The following EML1 variants were observed in gnomAD, a reference collection of about 807,000 sequenced individuals.
EML1 encodes echinoderm microtubule-associated protein-like 1.
A neutral mutation model predicts 110.4 loss-of-function variants in EML1; 27 were observed. The observed-to-expected ratio is 0.24, with a 90% CI of 0.18 to 0.34. EML1 has a LOEUF of 0.34. Among genes scored for constraint, EML1 ranks in the 10% least tolerant of loss-of-function variants. The pLI is 1.00. For missense variants in EML1, 741 were observed against 1,030.9 expected (o/e 0.72, Z 3.85); for synonymous variants, 344 against 385.8 (o/e 0.89, Z 1.27).
chr14:99,745,063 C>CT (rs1386000028), intron 1 of EML1, among the ~76,000 whole-genome samples: 1 of 152,094 alleles, frequency 6.6e-6, no homozygotes, highest in Non-Finnish European at 1.5e-5. Context: ...GTAGCTGGTT[C>CT]TCCCAGTTGA....
intron 1 of EML1, among the ~76,000 whole-genome samples, chr14:99,788,220 G>A (rs961422595): frequency 1.3e-5 from 2 of 151,990 alleles, no homozygotes; most frequent in Non-Finnish European, 2.9e-5. Context: ...GTTCCTTGGC[G>A]CTTATCATTT....
chr14:99,934,321 T>C (rs2060428677), intron 17 of EML1, among the ~76,000 whole-genome samples: 1 of 152,234 alleles, frequency 6.6e-6, no homozygotes, highest in Non-Finnish European at 1.5e-5. Context: ...AGTCCTTTTG[T>C]TTTTCTCAGC....
At chr14:99,896,740 A>ATT (rs59854121) in intron 6 of EML1, among the ~76,000 whole-genome samples, 17,032 of 147,464 alleles carry the variant, frequency 0.12, 3,296 homozygotes, top group African/African-American at 0.4. Flanking sequence ...GAGGGGCCTG[A>ATT]TTTTTTTTTT....
rs373489064 is a variant in EML1 at position 99,843,157 on chromosome 14, GAT to G, written c.68-7694_68-7693del. On this transcript the variant is annotated intron_variant, in intron 1 of 21. Coordinates refer to ENST00000262233, the MANE Select transcript of EML1 (RefSeq NM_004434.3). ...TACTTCCAACTACTCGGGAGGCTGA[GAT>G]AGGAGGATTGTTTGAGCCCAGGTCA... Among the ~76,000 whole-genome samples the G allele has an allele frequency of 2.4e-4, 37 of 152,282 alleles. No individual in the cohort carries two copies. The East Asian group carries it at 5.4e-3, about 22-fold the overall frequency.
intron 4 of EML1, among the ~76,000 whole-genome samples, chr14:99,884,400 G>A (rs2059439732): frequency 6.6e-6 from 1 of 152,214 alleles, no homozygotes; most frequent in Non-Finnish European, 1.5e-5. Context: ...CACCTGCTGT[G>A]TACAGAACGT....
intron 1 of EML1, among the ~76,000 whole-genome samples, chr14:99,774,286 G>T (rs986586432): frequency 2.0e-5 from 3 of 152,172 alleles, no homozygotes; most frequent in Non-Finnish European, 4.4e-5. Context: ...CACAGTGACA[G>T]CGTGGCCTTG....
chr14:99,901,307 C>T (rs1409260123), intron 9 of EML1, among the ~76,000 whole-genome samples: 2 of 152,174 alleles, frequency 1.3e-5, no homozygotes, highest in Admixed American at 1.3e-4. Context: ...TCCTCACTTT[C>T]CTTAAGGCAG....
At chr14:99,796,186 C>A (rs904050679) in intron 1 of EML1, among the ~76,000 whole-genome samples, 1 of 119,206 alleles carries the variant, frequency 8.4e-6, no homozygotes, top group African/African-American at 3.1e-5. Context: ...GACCCTGTCT[C>A]AGAGAGAGAG....
intron 3 of EML1, among the ~76,000 whole-genome samples, chr14:99,866,383 C>A (rs1188463563): frequency 6.6e-6 from 1 of 152,022 alleles, no homozygotes; most frequent in African/African-American, 2.4e-5. Context: ...CCAGCCTGAC[C>A]AACAGGCGAA....
intron 17 of EML1, among the ~76,000 whole-genome samples, chr14:99,925,275 C>CT (rs972066503): frequency 0.017 from 2,283 of 135,984 alleles, 21 homozygotes; most frequent in Middle Eastern, 0.042. Flanking sequence ...TTTCTTTTTT[C>CT]TTTTTTTTTT....
intron 4 of EML1, among the ~76,000 whole-genome samples, chr14:99,888,892 C>T (rs1256980926): frequency 6.6e-6 from 1 of 152,016 alleles, no homozygotes; most frequent in East Asian, 1.9e-4. Flanking sequence ...TGTGGACTGG[C>T]AGGAGAGTTC....
chr14:99,808,338 C>A (rs1263032429), intron 1 of EML1, among the ~76,000 whole-genome samples: 2 of 152,184 alleles, frequency 1.3e-5, no homozygotes, highest in African/African-American at 2.4e-5. Context: ...ATGCAAAGAG[C>A]TGTGTTATCT....
intron 1 of EML1, among the ~76,000 whole-genome samples, chr14:99,844,491 AAAAT>A (rs1376333538): frequency 2.1e-5 from 3 of 143,192 alleles, no homozygotes; most frequent in Non-Finnish European, 4.7e-5. Context: ...AAAAAAAAAA[AAAAT>A]TGGCAAAACC....
intron 17 of EML1, among the ~76,000 whole-genome samples, chr14:99,925,883 G>T (rs2060224708): frequency 6.6e-6 from 1 of 152,074 alleles, no homozygotes; most frequent in South Asian, 2.1e-4. Flanking sequence ...AGAAACCTTG[G>T]CCCTCCCCAC....
At position 99,894,642 on chromosome 14, in the gene EML1, A is replaced by G. The variant is rs1299626286; in HGVS notation, c.561A>G (p.Val187=). 2 of 1,612,544 alleles carry G rather than the reference A, an allele frequency of 1.2e-6. No homozygotes were observed. The highest frequency in any genetic ancestry group is 1.7e-6 in the Non-Finnish European group (2 of 1,179,472). Residue 187 remains valine (V), a synonymous_variant, in exon 6 of 22, where the codon GTA becomes GTG. Coordinates refer to ENST00000262233, the MANE Select transcript of EML1 (RefSeq NM_004434.3). ...EPVFSAEEGY[V]KMFLRGRPVT... ...TTCTTTTTGTAGAAGAAGGCTATGT[A>G]AAAATGTTTCTTCGTGGACGCCCTG... is the stretch of plus-strand genomic sequence containing the variant.
At chr14:99,916,453 G>A (rs1160869504) in intron 15 of EML1, among the ~76,000 whole-genome samples, 2 of 152,056 alleles carry the variant, frequency 1.3e-5, no homozygotes, top group Non-Finnish European at 2.9e-5. Flanking sequence ...GGATCTCAGG[G>A]CCTCCTATTT....
intron 3 of EML1, among the ~76,000 whole-genome samples, chr14:99,868,819 C>G (rs541785200): frequency 1.5e-3 from 225 of 151,992 alleles, no homozygotes; most frequent in African/African-American, 5.3e-3. Flanking sequence ...TATCTCTGCT[C>G]TAATCTTTAT....
At chr14:99,839,058 T>C (rs1240320225) in intron 1 of EML1, 2 of 145,150 alleles carry the variant, frequency 1.4e-5, no homozygotes, top group African/African-American at 5.2e-5. Flanking sequence ...GAGTCCAGGA[T>C]AGGTCAAGAT....
intron 17 of EML1, among the ~76,000 whole-genome samples, chr14:99,930,172 T>G (rs2060341085): frequency 6.6e-6 from 1 of 152,226 alleles, no homozygotes; most frequent in Non-Finnish European, 1.5e-5. Context: ...TGATGTTAAC[T>G]GTGCAGGGGT....
Sources: gnomAD v4.1 joint callset for allele counts (sites outside exome capture counted in the v4.1 genomes callset) on GRCh38, gnomAD v4.1.1 for gene constraint, MANE v1.5 for transcripts, NCBI Gene and HGNC (gene_info 2026-07-23, HGNC 2026-07-21) for gene names.